The following DNAJC3 variants were observed in gnomAD, a reference collection of about 807,000 sequenced individuals.
DNAJC3 encodes DnaJ heat shock protein family (Hsp40) member C3, also known as dnaJ homolog subfamily C member 3.
Under a neutral mutation model 68.6 loss-of-function variants are expected in DNAJC3, and 38 were observed. The observed-to-expected ratio is 0.55, with a 90% CI of 0.43 to 0.73. The LOEUF (loss-of-function observed/expected upper bound fraction) is 0.73. DNAJC3 is among the 30% of genes least tolerant of loss of function. The pLI is 0.00. For missense variants in DNAJC3, 526 were observed against 591.9 expected, an observed-to-expected ratio of 0.89 and a Z score of 1.16; for synonymous variants, 203 against 204.0, an observed-to-expected ratio of 1.00 and a Z score of 0.04.
chr13:95,757,537 T>G lies in DNAJC3; in HGVS notation c.394-107T>G, dbSNP rs934417485. On this transcript the variant is annotated intron_variant, in intron 4 of 11. Coordinates refer to ENST00000602402, the MANE Select transcript of DNAJC3 (RefSeq NM_006260.5). ...AGTTTTTCCAGTATCTCTTTACCCT[T>G]TTTACCCAATGAACTTAAGTATTTG... is the stretch of plus-strand genomic sequence containing the variant. 5.9e-6 allele frequency: 7 copies of G among 1,187,432 alleles called. No individual in the cohort carries two copies. In the Admixed American group the frequency reaches 1.4e-4, roughly 25 times the overall value. The allele number at this position is 1,187,432 out of a possible 1,614,324, so 73.6% of individuals were successfully genotyped here.
chr13:95,687,024 T>G (rs1369526863), intron 1 of DNAJC3, among the ~76,000 whole-genome samples: 2 of 152,232 alleles, frequency 1.3e-5, no homozygotes, highest in African/African-American at 4.8e-5. Flanking sequence ...TGTTTTTGTG[T>G]TTATTTATGA....
chr13:95,705,117 G>C (rs969290577), intron 1 of DNAJC3, among the ~76,000 whole-genome samples: 1 of 152,140 alleles, frequency 6.6e-6, no homozygotes, highest in South Asian at 2.1e-4. Context: ...CTCCCAAAGT[G>C]CTGGGATTAC....
intron 4 of DNAJC3, among the ~76,000 whole-genome samples, chr13:95,726,206 G>T (rs1242890014): frequency 2.0e-5 from 3 of 152,022 alleles, no homozygotes; most frequent in Admixed American, 2.0e-4. Flanking sequence ...GGGATGGTTG[G>T]GTCAAATGGT....
intron 11 of DNAJC3, among the ~76,000 whole-genome samples, chr13:95,789,041 A>C (rs1389949268): frequency 6.6e-6 from 1 of 152,154 alleles, no homozygotes; most frequent in East Asian, 1.9e-4. Context: ...TGAACCCCTA[A>C]AGGACAAGTT....
At chr13:95,760,864 C>G in intron 7 of DNAJC3, 66 bp downstream of exon 7, 1 of 1,558,976 alleles carries the variant, frequency 6.4e-7, no homozygotes, top group East Asian at 2.4e-5. Flanking sequence ...CACAAGTGAA[C>G]TACAGAACTG....
chr13:95,750,328 A>G (rs1274465737), intron 4 of DNAJC3, among the ~76,000 whole-genome samples: 1 of 151,488 alleles, frequency 6.6e-6, no homozygotes, highest in East Asian at 1.9e-4. Flanking sequence ...TAGAAGGGAG[A>G]TAATCTGATC....
At chr13:95,717,981 T>A (rs1881205571) in intron 2 of DNAJC3, among the ~76,000 whole-genome samples, 2 of 152,352 alleles carry the variant, frequency 1.3e-5, no homozygotes, top group South Asian at 2.1e-4. Context: ...TTTCTCCAGA[T>A]AGTAGTTGTA....
intron 9 of DNAJC3, among the ~76,000 whole-genome samples, chr13:95,776,687 T>A (rs986971402): frequency 2.6e-5 from 4 of 152,244 alleles, no homozygotes; most frequent in African/African-American, 7.2e-5. Context: ...TTTGGCAACA[T>A]CCATTAGTTT....
At chr13:95,770,096 C>T (rs973483823) in intron 9 of DNAJC3, among the ~76,000 whole-genome samples, 11 of 152,168 alleles carry the variant, frequency 7.2e-5, no homozygotes, top group Admixed American at 5.9e-4. Context: ...TCCTTTGCCT[C>T]TCCCAGCAGT....
At chr13:95,750,262 C>CAAAAA (rs1204619522) in intron 4 of DNAJC3, among the ~76,000 whole-genome samples, 1 of 65,710 alleles carries the variant, frequency 1.5e-5, no homozygotes, top group Non-Finnish European at 3.3e-5. Context: ...GACCCTGTCT[C>CAAAAA]AAAAAAAAAA....
intron 11 of DNAJC3, among the ~76,000 whole-genome samples, chr13:95,788,651 G>A (rs577751537): frequency 1.8e-4 from 28 of 152,246 alleles, no homozygotes; most frequent in Admixed American, 1.3e-3. Context: ...CTCATTCTTT[G>A]AGATGTATGC....
At chr13:95,696,160 G>A (rs1880434877) in intron 1 of DNAJC3, among the ~76,000 whole-genome samples, 1 of 152,098 alleles carries the variant, frequency 6.6e-6, no homozygotes, top group African/African-American at 2.4e-5. Context: ...GACCAGTACT[G>A]GAAACCCTTG....
At chr13:95,773,629 A>T (rs1436436328) in intron 9 of DNAJC3, among the ~76,000 whole-genome samples, 1 of 151,780 alleles carries the variant, frequency 6.6e-6, no homozygotes, top group Non-Finnish European at 1.5e-5. Context: ...AATGTCTATA[A>T]GGTCTGTAAG....
In DNAJC3 at chr13:95,696,792, C is replaced by A. The variant is rs144666421; in HGVS notation, c.83-12435C>A. ...ACGGAGTCTCGCTCTGTCGCCCAGA[C>A]TGGAGTGCAGTGGCGTGATCTCGGC... On this transcript the variant is annotated intron_variant, in intron 1 of 11. Transcript: ENST00000602402. 1.9e-3 allele frequency among the ~76,000 whole-genome samples: 289 copies of A among 152,034 alleles called. 3 individuals carry two copies. The highest frequency in any genetic ancestry group is 1.4e-3 in the Non-Finnish European group (96 of 67,974).
chr13:95,707,265 C>G (rs1179282250), intron 1 of DNAJC3, among the ~76,000 whole-genome samples: 1 of 152,042 alleles, frequency 6.6e-6, no homozygotes, highest in African/African-American at 2.4e-5. Flanking sequence ...GCTGTGTGGC[C>G]CAGTTCCTAA....
chr13:95,731,249 A>G (rs896554463), intron 4 of DNAJC3, among the ~76,000 whole-genome samples: 4 of 152,178 alleles, frequency 2.6e-5, no homozygotes, highest in Non-Finnish European at 4.4e-5. Context: ...AAGTGGGACA[A>G]TTTGACTTCA....
intron 4 of DNAJC3, chr13:95,744,680 T>C (rs1882250656): frequency 6.6e-6 from 1 of 152,188 alleles, no homozygotes; most frequent in Non-Finnish European, 1.5e-5. Context: ...GGAATTGGAA[T>C]GCTGAGAAAA....
intron 4 of DNAJC3, among the ~76,000 whole-genome samples, chr13:95,739,290 C>G (rs1191647860): frequency 6.6e-6 from 1 of 151,664 alleles, no homozygotes; most frequent in Admixed American, 6.6e-5. Context: ...GTGAATCTGA[C>G]AATTATGTGT....
intron 4 of DNAJC3, among the ~76,000 whole-genome samples, chr13:95,732,200 T>A (rs1881738423): frequency 1.3e-5 from 2 of 152,182 alleles, no homozygotes. Context: ...ATAGAATGAG[T>A]TAGGGAGAAT....
Sources: gnomAD v4.1 joint callset for allele counts (sites outside exome capture counted in the v4.1 genomes callset) on GRCh38, gnomAD v4.1.1 for gene constraint, MANE v1.5 for transcripts, NCBI Gene and HGNC (gene_info 2026-07-23, HGNC 2026-07-21) for gene names.